Variants in PTPRA observed in about 807,000 individuals in gnomAD.
The protein encoded by PTPRA is protein tyrosine phosphatase receptor type A, also known as receptor-type tyrosine-protein phosphatase alpha.
A neutral mutation model predicts 104.8 loss-of-function variants in PTPRA; 25 were observed. The observed-to-expected ratio is 0.24, with a 90% CI of 0.17 to 0.33. PTPRA has a LOEUF of 0.33. Among genes scored for constraint, PTPRA ranks in the 10% least tolerant of loss-of-function variants. The pLI, the probability that PTPRA is intolerant of heterozygous loss-of-function variation, is 1.00. For missense variants in PTPRA, 765 were observed against 1,015.3 expected, an observed-to-expected ratio of 0.75 and a Z score of 3.35; for synonymous variants, 323 against 368.9, an observed-to-expected ratio of 0.88 and a Z score of 1.43.
chr20:2,997,120 T>A (rs2063429789), intron 9 of PTPRA, among the ~76,000 whole-genome samples: 1 of 126,692 alleles, frequency 7.9e-6, no homozygotes, highest in Admixed American at 7.9e-5. Flanking sequence ...TAAGTTATAT[T>A]GTTATGTGAG....
chr20:2,969,918 C>G (rs761430571), intron 5 of PTPRA, among the ~76,000 whole-genome samples: 1 of 151,696 alleles, frequency 6.6e-6, no homozygotes, highest in South Asian at 2.1e-4. Flanking sequence ...TGCAGTGAGC[C>G]GAGATTGCGC....
chr20:3,006,888 C>A (rs1307102382), intron 10 of PTPRA, among the ~76,000 whole-genome samples: 1 of 152,204 alleles, frequency 6.6e-6, no homozygotes, highest in Non-Finnish European at 1.5e-5. Context: ...CCTCTGCCTC[C>A]TGAAGTGCTA....
chr20:2,891,123 CCTAA>C (rs1320279387), intron 1 of PTPRA, among the ~76,000 whole-genome samples: 6 of 152,190 alleles, frequency 3.9e-5, no homozygotes, highest in African/African-American at 1.4e-4. Flanking sequence ...GTGATCTGTT[CCTAA>C]CTGTTTTACA....
intron 1 of PTPRA, among the ~76,000 whole-genome samples, chr20:2,888,794 C>T (rs1272279091): frequency 6.6e-6 from 1 of 152,042 alleles, no homozygotes; most frequent in Non-Finnish European, 1.5e-5. Flanking sequence ...ACTACATGCT[C>T]ATAAAATGTA....
intron 7 of PTPRA, 166 bp from the exon 8 acceptor site, chr20:2,987,865 AC>A (rs916947880): frequency 5.3e-6 from 4 of 758,644 alleles, no homozygotes; most frequent in African/African-American, 1.7e-5. Flanking sequence ...GTACTCGGTC[AC>A]CCCAGCATGC....
intron 4 of PTPRA, 93 bp from the exon 5 acceptor site, chr20:2,964,768 T>C: frequency 8.7e-7 from 1 of 1,145,652 alleles, no homozygotes; most frequent in Non-Finnish European, 1.2e-6. Context: ...CTCCATATGT[T>C]TGAGAGTTTA....
chr20:3,007,529 C>G, intron 11 of PTPRA, 109 bp downstream of exon 11: 2 of 1,237,108 alleles, frequency 1.6e-6, no homozygotes, highest in Non-Finnish European at 2.3e-6. Context: ...TCATGTTTTC[C>G]CTGACAAGTC....
chr20:2,910,595 T>TG lies in PTPRA; in HGVS notation c.-128-12612_-128-12611insG, dbSNP rs1480636445. Among the ~76,000 whole-genome samples the TG allele has an allele frequency of 3.5e-3, 441 of 126,080 alleles. 25 individuals are homozygous for TG. Among genetic ancestry groups the TG allele is most frequent in the African/African-American group, 0.013 (405 of 30,538 alleles). 82.7% of individuals were successfully genotyped at this position (126,080 alleles called of 152,430 possible). Reference sequence around the variant, plus strand: ...CCCAGCTAGTTTTTTTTTTGTTTTTTTTTTGTTTTTTTTAATTTTTTTTTT... The same window carrying TG: ...CCCAGCTAGTTTTTTTTTTGTTTTTTGTTTTGTTTTTTTTAATTTTTTTTTT... On this transcript the variant is annotated intron_variant, in intron 1 of 23. Transcript: ENST00000399903.
At chr20:3,017,436 A>T (rs1299085396) in intron 12 of PTPRA, among the ~76,000 whole-genome samples, 4 of 152,232 alleles carry the variant, frequency 2.6e-5, no homozygotes. Flanking sequence ...GGCTGATGAC[A>T]CCCACCTCAG....
At chr20:3,032,268 T>C (rs2065496073) in intron 20 of PTPRA, among the ~76,000 whole-genome samples, 1 of 152,172 alleles carries the variant, frequency 6.6e-6, no homozygotes, top group Admixed American at 6.6e-5. Flanking sequence ...CTTGGCCCCA[T>C]TCCGTCCTGC....
At chr20:3,036,029 AG>A in intron 22 of PTPRA, 88 bp downstream of exon 22, 1 of 1,585,276 alleles carries the variant, frequency 6.3e-7, no homozygotes, top group Non-Finnish European at 8.6e-7. Flanking sequence ...GACTGAAGAA[AG>A]CCATACAAGA....
chr20:2,928,337 G>A (rs1472832626), intron 2 of PTPRA, among the ~76,000 whole-genome samples: 1 of 152,008 alleles, frequency 6.6e-6, no homozygotes, highest in Non-Finnish European at 1.5e-5. Flanking sequence ...GAGTTTCACT[G>A]TGTTAGCTGA....
intron 6 of PTPRA, among the ~76,000 whole-genome samples, chr20:2,984,828 G>C (rs1422706745): frequency 6.6e-6 from 1 of 152,094 alleles, no homozygotes; most frequent in Non-Finnish European, 1.5e-5. Flanking sequence ...TCTTCACCCA[G>C]ATCTTTGCGT....
rs937689400 is a variant in PTPRA at position 2,949,776 on chromosome 20, A to G, written c.-7+1752A>G. 2.0e-5 allele frequency among the ~76,000 whole-genome samples: 3 copies of G among 151,376 alleles called. No homozygotes were observed. The East Asian group carries it at 5.8e-4, about 29-fold the overall frequency. ...GTTAAGGAAGGTTTCTTCTATTTCT[A>G]TTTAAAAGGATTTTTTAAAATCTTG... On this transcript the variant is annotated intron_variant, in intron 3 of 23. Coordinates refer to ENST00000399903, the MANE Select transcript of PTPRA (RefSeq NM_001385305.1).
rs1016076652 is a variant in PTPRA, at chr20:2,959,253, G to A, written c.-6-5019G>A. ...GCATTTGTTCTTTTCCCTTGTTCTTGTATTACCTTTCTGGAAAGGAATTTT... is the reference window on the plus strand; with the variant it reads ...GCATTTGTTCTTTTCCCTTGTTCTTATATTACCTTTCTGGAAAGGAATTTT... On this transcript the variant is annotated intron_variant, in intron 3 of 23. Transcript: ENST00000399903. 2.6e-5 allele frequency among the ~76,000 whole-genome samples: 4 copies of A among 152,060 alleles called. No homozygotes were observed. The East Asian group carries it at 7.7e-4, about 29-fold the overall frequency.
At position 3,007,346 on chromosome 20, in the gene PTPRA, G is replaced by T; in HGVS notation, c.832G>T (p.Asp278Tyr). ...AATATTGTTGGTTTGTTTCCTAGAT[G>T]ACCACTCTAGAGTCCACCTGACACC... ...KNRYVNILPY[D>Y]HSRVHLTPVE... The change falls in exon 11 of 24, where the codon GAC becomes TAC. Residue 278 changes from aspartate (D) to tyrosine (Y), a missense_variant and splice_region_variant. This residue lies in a region of PTPRA where 245 missense variants were observed against 398.7 expected (regional missense o/e 0.61). Coordinates refer to ENST00000399903, the MANE Select transcript of PTPRA (RefSeq NM_001385305.1). The T allele has an allele frequency of 6.2e-7, 1 of 1,613,332 alleles. No individual in the cohort carries two copies. Among genetic ancestry groups the T allele is most frequent in the South Asian group, 1.1e-5 (1 of 90,998 alleles).
intron 1 of PTPRA, among the ~76,000 whole-genome samples, chr20:2,907,311 G>GAA (rs200246403): frequency 7.1e-6 from 1 of 140,062 alleles, no homozygotes. Flanking sequence ...AAGCTGAAAA[G>GAA]AAAAAAAAAA....
chr20:2,940,130 A>G (rs919201372), intron 2 of PTPRA, among the ~76,000 whole-genome samples: 1 of 152,138 alleles, frequency 6.6e-6, no homozygotes, highest in African/African-American at 2.4e-5. Context: ...CAAAAACAAA[A>G]ACAAATCAGT....
chr20:2,985,753 G>A (rs1216016092), intron 6 of PTPRA, among the ~76,000 whole-genome samples: 1 of 152,178 alleles, frequency 6.6e-6, no homozygotes, highest in African/African-American at 2.4e-5. Flanking sequence ...GGTGGCTGAG[G>A]ATCTAATAAT....
Sources: gnomAD v4.1 joint callset for allele counts (sites outside exome capture counted in the v4.1 genomes callset) on GRCh38, gnomAD v4.1.1 for gene constraint, gnomAD v4.1.1 regional missense constraint, MANE v1.5 for transcripts, NCBI Gene and HGNC (gene_info 2026-07-23, HGNC 2026-07-21) for gene names.